Variants in ADAMTSL1 observed in about 807,000 individuals in gnomAD.
ADAMTSL1 encodes the protein ADAMTS-like protein 1.
A neutral mutation model predicts 201.8 loss-of-function variants in ADAMTSL1; 126 were observed. The ratio of observed to expected loss-of-function variants is 0.62; its 90% CI spans 0.54 to 0.72. ADAMTSL1 has a LOEUF of 0.72. Ranked by LOEUF, ADAMTSL1 falls within the 30% of genes least tolerant of loss-of-function variation. ADAMTSL1 has a pLI of 0.00. For missense variants in ADAMTSL1, 2,679 were observed against 2,277.8 expected (o/e 1.18, Z -3.59); for synonymous variants, 1,121 against 903.4 (o/e 1.24, Z -4.32).
At chr9:17,936,237 C>T (rs10963347) in intron 1 of ADAMTSL1, among the ~76,000 whole-genome samples, 32,652 of 152,106 alleles carry the variant, frequency 0.21, 3,697 homozygotes, top group Middle Eastern at 0.27. Flanking sequence ...TATGTATCTC[C>T]TTTGCAACTT....
intron 1 of ADAMTSL1, among the ~76,000 whole-genome samples, chr9:18,026,223 G>A (rs1301786402): frequency 6.6e-6 from 1 of 151,850 alleles, no homozygotes; most frequent in African/African-American, 2.4e-5. Context: ...CATTGCTCTG[G>A]CCTGGACTTC....
intron 2 of ADAMTSL1, among the ~76,000 whole-genome samples, chr9:18,352,668 G>A (rs773605687): frequency 7.9e-5 from 12 of 152,048 alleles, no homozygotes; most frequent in Non-Finnish European, 1.5e-4. Flanking sequence ...AAAAATGTAC[G>A]CCATGTGATT....
At chr9:17,956,270 A>C (rs1827928395) in intron 1 of ADAMTSL1, among the ~76,000 whole-genome samples, 1 of 152,108 alleles carries the variant, frequency 6.6e-6, no homozygotes, top group African/African-American at 2.4e-5. Flanking sequence ...TAGTCTCGTG[A>C]TCAATTACCT....
In ADAMTSL1 at chr9:18,317,452, G is replaced by A. The variant is rs73428997; in HGVS notation, c.207+153471G>A. 3.7e-3 allele frequency among the ~76,000 whole-genome samples: 569 copies of A among 152,130 alleles called. 4 individuals carry two copies. Among genetic ancestry groups the A allele is most frequent in the African/African-American group, 0.013 (538 of 41,488 alleles). ...CATGAGCAAATTTTAACTAAGTTTG[G>A]TGATGGATGAGTTAGCTAATTTGAT... On this transcript the variant is annotated intron_variant, in intron 2 of 29. Coordinates refer to the ADAMTSL1 transcript ENST00000680146.
chr9:18,145,603 G>C (rs1826606026), intron 1 of ADAMTSL1, among the ~76,000 whole-genome samples: 1 of 152,038 alleles, frequency 6.6e-6, no homozygotes, highest in Non-Finnish European at 1.5e-5. Context: ...ATAAACATTA[G>C]CTCAAAAGTG....
chr9:18,093,451 T>C (rs1181433533), intron 1 of ADAMTSL1, among the ~76,000 whole-genome samples: 1 of 152,188 alleles, frequency 6.6e-6, no homozygotes, highest in African/African-American at 2.4e-5. Flanking sequence ...GCGTTCAAAT[T>C]CAGATGGCAT....
At chr9:18,518,327 G>T (rs1055563504) in intron 2 of ADAMTSL1, among the ~76,000 whole-genome samples, 1 of 151,688 alleles carries the variant, frequency 6.6e-6, no homozygotes, top group Non-Finnish European at 1.5e-5. Context: ...GGAGTCCCCA[G>T]TGCCAAATAT....
intron 2 of ADAMTSL1, among the ~76,000 whole-genome samples, chr9:18,331,591 A>G (rs1835030453): frequency 1.3e-5 from 2 of 152,204 alleles, no homozygotes; most frequent in Admixed American, 6.5e-5. Context: ...AAGTCCCTGT[A>G]CTAATTTTAT....
chr9:18,325,724 C>G (rs10119710), intron 2 of ADAMTSL1, among the ~76,000 whole-genome samples: 1 of 151,462 alleles, frequency 6.6e-6, no homozygotes, highest in Non-Finnish European at 1.5e-5. Flanking sequence ...TTGCCTGAAG[C>G]CTCTTTTAAA....
At chr9:17,935,591 C>T (rs1826972768) in intron 1 of ADAMTSL1, among the ~76,000 whole-genome samples, 1 of 152,116 alleles carries the variant, frequency 6.6e-6, no homozygotes, top group Non-Finnish European at 1.5e-5. Flanking sequence ...AAAGCCATTG[C>T]CAATGATCAT....
intron 1 of ADAMTSL1, among the ~76,000 whole-genome samples, chr9:18,059,227 A>T (rs949476392): frequency 6.6e-6 from 1 of 152,180 alleles, no homozygotes; most frequent in African/African-American, 2.4e-5. Flanking sequence ...TACTTTCACT[A>T]TCGGACTGTT....
At chr9:18,447,223 G>T (rs894553329) in intron 2 of ADAMTSL1, among the ~76,000 whole-genome samples, 3 of 152,154 alleles carry the variant, frequency 2.0e-5, no homozygotes, top group Non-Finnish European at 4.4e-5. Flanking sequence ...GGTAAATAAA[G>T]GTTGCTCAAG....
At chr9:17,953,572 C>T (rs1354528009) in intron 1 of ADAMTSL1, among the ~76,000 whole-genome samples, 1 of 152,176 alleles carries the variant, frequency 6.6e-6, no homozygotes, top group African/African-American at 2.4e-5. Flanking sequence ...AAATGCCAAT[C>T]ACTATGGGAC....
At chr9:18,619,484 C>G (rs1489418679) in intron 4 of ADAMTSL1, among the ~76,000 whole-genome samples, 1 of 152,086 alleles carries the variant, frequency 6.6e-6, no homozygotes, top group Admixed American at 6.6e-5. Context: ...CCATTTAAAA[C>G]TGACTTGGTT....
chr9:18,154,560 G>A (rs1308508572), intron 1 of ADAMTSL1, among the ~76,000 whole-genome samples: 1 of 152,014 alleles, frequency 6.6e-6, no homozygotes, highest in African/African-American at 2.4e-5. Context: ...GTGCTTTCCT[G>A]TCCATATGAA....
chr9:18,440,023 A>G (rs1031705324), intron 2 of ADAMTSL1, among the ~76,000 whole-genome samples: 1 of 152,246 alleles, frequency 6.6e-6, no homozygotes, highest in East Asian at 1.9e-4. Flanking sequence ...TCTTCCTCAA[A>G]CACCCTGAGA....
rs1817746975 is a variant in ADAMTSL1 at position 18,396,205 on chromosome 9, T to A, written c.208-108624T>A. 2.0e-5 allele frequency among the ~76,000 whole-genome samples: 3 copies of A among 152,174 alleles called. No individual in the cohort carries two copies. In the South Asian group the frequency reaches 6.2e-4, roughly 32 times the overall value. On this transcript the variant is annotated intron_variant, in intron 2 of 29. Coordinates refer to the ADAMTSL1 transcript ENST00000680146. ...GCTCCTGCCTTTGCACAGTCCCAGT[T>A]GATGATAAGACAGTTGGTGGCCATG...
intron 23 of ADAMTSL1, among the ~76,000 whole-genome samples, chr9:18,855,525 A>C (rs549502578): frequency 6.6e-6 from 1 of 152,252 alleles, no homozygotes; most frequent in South Asian, 2.1e-4. Context: ...GATAACAATA[A>C]TTGTATTCGT....
intron 9 of ADAMTSL1, among the ~76,000 whole-genome samples, chr9:18,671,930 A>G (rs925650957): frequency 9.9e-5 from 15 of 152,050 alleles, no homozygotes; most frequent in East Asian, 1.9e-4. Context: ...CCAGCTACTC[A>G]GGAGGCCGAG....
Sources: gnomAD v4.1 joint callset for allele counts (sites outside exome capture counted in the v4.1 genomes callset) on GRCh38, gnomAD v4.1.1 for gene constraint, MANE v1.5 for transcripts, NCBI Gene and HGNC (gene_info 2026-07-23, HGNC 2026-07-21) for gene names.